FNBP1: variants seen among roughly 807,000 people sequenced by gnomAD.
FNBP1 encodes formin binding protein 1, also known as formin-binding protein 1.
A neutral mutation model predicts 90.6 loss-of-function variants in FNBP1; 26 were observed. That is an observed-to-expected ratio of 0.29 (90% CI 0.21 to 0.40). The LOEUF is 0.40. FNBP1 is among the 10% of genes least tolerant of loss of function. The pLI, the probability that FNBP1 is intolerant of heterozygous loss-of-function variation, is 1.00. For synonymous variants in FNBP1, 260 were observed against 265.2 expected, an observed-to-expected ratio of 0.98 and a Z score of 0.19; for missense variants, 635 against 768.0, an observed-to-expected ratio of 0.83 and a Z score of 2.05.
intron 1 of FNBP1, among the ~76,000 whole-genome samples, chr9:130,030,160 C>T (rs914813659): frequency 2.0e-5 from 3 of 151,666 alleles, no homozygotes; most frequent in African/African-American, 7.3e-5. Flanking sequence ...CAGGGCCAGG[C>T]ACACTGGCTC....
Position 129,899,743 on chromosome 9 carries a change from A to AGGAAGGAAG in FNBP1, c.1687+213_1687+221dup, listed in dbSNP as rs1235659991. On this transcript the variant is annotated intron_variant, in intron 15 of 16. Transcript: ENST00000446176. ...GACCCTGTATGAAAAAAAGGAAGGA[A>AGGAAGGAAG]GGAAGGAAGGGAAGGAAGGGAAGGA... Among the ~76,000 whole-genome samples, 74 of 140,200 alleles carry AGGAAGGAAG rather than the reference A, an allele frequency of 5.3e-4. 1 individual carries two copies. The highest frequency in any genetic ancestry group is 9.3e-4 in the Admixed American group (13 of 13,966). The allele number at this position is 140,200 out of a possible 152,430, so 92.0% of individuals were successfully genotyped here.
the FNBP1 span, chr9:130,053,664 G>A: frequency 1.9e-6 from 1 of 523,350 alleles, no homozygotes; most frequent in South Asian, 2.1e-5. Flanking sequence ...GGCCCGGGCT[G>A]GTCTGGTTCG....
In FNBP1 at chr9:129,890,071, A is replaced by G. The variant is rs1347784137; in HGVS notation, c.*468T>C. The G allele has an allele frequency of 3.8e-6, 1 of 262,528 alleles. No individual in the cohort carries two copies. Among genetic ancestry groups the G allele is most frequent in the African/African-American group, 2.2e-5 (1 of 46,008 alleles). The allele number at this position is 262,528 out of a possible 1,614,324, so 16.3% of individuals were successfully genotyped here. A position where few individuals can be genotyped will look rare whatever the true frequency, so the allele number is the denominator to read the frequency against. ...TTCTACAGCAGACAGTCTGGGACAC[A>G]CGGATGACATCGACACGGATGACAT... On this transcript the variant is annotated 3_prime_UTR_variant, in exon 17 of 17. Coordinates refer to ENST00000446176, the MANE Select transcript of FNBP1 (RefSeq NM_015033.3). The surrounding 1 kb of genome is among the most constrained non-coding windows in gnomAD (Gnocchi z 5.8).
intron 1 of FNBP1, among the ~76,000 whole-genome samples, chr9:130,038,707 G>A (rs2059569557): frequency 6.6e-6 from 1 of 152,106 alleles, no homozygotes; most frequent in South Asian, 2.1e-4. Flanking sequence ...CCCACATGTG[G>A]CTTCTTACTA....
chr9:129,948,581 C>T lies in FNBP1; in HGVS notation c.513+8779G>A, dbSNP rs1297464195. On this transcript the variant is annotated intron_variant, in intron 6 of 16. Coordinates refer to ENST00000446176, the MANE Select transcript of FNBP1 (RefSeq NM_015033.3). Reference sequence around the variant, plus strand: ...TTTCAAGACGGAGTTTTGCTCTTGTCCCCCAGGCTGGAGTGCAATGGCATG... The same window carrying T: ...TTTCAAGACGGAGTTTTGCTCTTGTTCCCCAGGCTGGAGTGCAATGGCATG... Among the ~76,000 whole-genome samples the T allele has an allele frequency of 9.9e-5, 15 of 151,692 alleles. No individual in the cohort carries two copies. The East Asian group carries it at 2.7e-3, about 27-fold the overall frequency.
chr9:130,052,744 G>A, the FNBP1 span, among the ~76,000 whole-genome samples: 20 of 151,838 alleles, frequency 1.3e-4, no homozygotes, highest in Non-Finnish European at 2.5e-4. Flanking sequence ...GCCTCATTTC[G>A]TTTTTAGTAC....
At chr9:130,040,493 C>T (rs555307824) in intron 1 of FNBP1, among the ~76,000 whole-genome samples, 26 of 152,098 alleles carry the variant, frequency 1.7e-4, no homozygotes, top group African/African-American at 5.8e-4. Flanking sequence ...TGGTGGCAGG[C>T]GCGTGTAGTC....
chr9:129,967,308 G>C (rs926454140), intron 4 of FNBP1, among the ~76,000 whole-genome samples: 1 of 152,170 alleles, frequency 6.6e-6, no homozygotes, highest in Non-Finnish European at 1.5e-5. Context: ...CTGAGGACAG[G>C]ACTCCGGGAT....
chr9:129,951,885 G>A (rs991598616), intron 6 of FNBP1, among the ~76,000 whole-genome samples: 7 of 151,946 alleles, frequency 4.6e-5, no homozygotes, highest in African/African-American at 1.7e-4. Context: ...GAACAATACC[G>A]TGAAAAGCAT....
At chr9:129,960,675 T>G (rs1203666329) in intron 4 of FNBP1, among the ~76,000 whole-genome samples, 2 of 152,006 alleles carry the variant, frequency 1.3e-5, no homozygotes, top group Non-Finnish European at 2.9e-5. Flanking sequence ...TTTGCCTGAA[T>G]GAACCAGAGT....
intron 2 of FNBP1, among the ~76,000 whole-genome samples, chr9:129,992,234 G>A (rs1478786027): frequency 2.0e-5 from 3 of 152,244 alleles, no homozygotes; most frequent in South Asian, 4.1e-4. Context: ...TTGAGAGCTC[G>A]CACGTAGCCC....
rs2059259226 is a variant in FNBP1, at chr9:130,035,825, A to G, written c.24+7127T>C. ...GCCAGGCGTGGTGGCACACGCCTGT[A>G]ATCCCAGCTACTCGGGAGGCTGAGG... On this transcript the variant is annotated intron_variant, in intron 1 of 16. Transcript: ENST00000446176. Among the ~76,000 whole-genome samples, 4 of 152,168 alleles carry G rather than the reference A, an allele frequency of 2.6e-5. No homozygotes were observed. The South Asian group carries it at 6.2e-4, about 24-fold the overall frequency.
In FNBP1 at chr9:129,979,298, A is replaced by G; in HGVS notation, c.197+20T>C. 6.6e-7 allele frequency: 1 copy of G among 1,525,586 alleles called. No individual in the cohort carries two copies. Among genetic ancestry groups the G allele is most frequent in the South Asian group, 1.1e-5 (1 of 88,284 alleles). The allele number at this position is 1,525,586 out of a possible 1,614,324, so 94.5% of individuals were successfully genotyped here. On this transcript the variant is annotated intron_variant, in intron 3 of 16. Coordinates refer to ENST00000446176, the MANE Select transcript of FNBP1 (RefSeq NM_015033.3). ...AATGGCATGTGTCTATTACAAGACA[A>G]TTTTCAATGGTAAACATACTTGTAT... is the stretch of plus-strand genomic sequence containing the variant.
At chr9:129,959,077 A>G (rs1307189976) in intron 4 of FNBP1, among the ~76,000 whole-genome samples, 1 of 151,458 alleles carries the variant, frequency 6.6e-6, no homozygotes, top group Non-Finnish European at 1.5e-5. Flanking sequence ...AACAAGTTTC[A>G]CTTGGGGGGA....
intron 1 of FNBP1, among the ~76,000 whole-genome samples, chr9:129,997,592 T>C (rs899615474): frequency 6.6e-6 from 1 of 152,224 alleles, no homozygotes; most frequent in Non-Finnish European, 1.5e-5. Context: ...CTACAAATCA[T>C]TCTTACAAAT....
intron 4 of FNBP1, among the ~76,000 whole-genome samples, chr9:129,963,053 G>A (rs114822078): frequency 1.6e-3 from 247 of 152,326 alleles, no homozygotes; most frequent in African/African-American, 5.8e-3. Flanking sequence ...GTTTGCTGAA[G>A]AGATGCAGCC....
chr9:130,045,125 C>A (rs1175074962), upstream of FNBP1: 1 of 152,004 alleles, frequency 6.6e-6, no homozygotes, highest in African/African-American at 2.4e-5. Flanking sequence ...CCTTCCTGCC[C>A]ACCCCCATTC....
chr9:129,895,259 A>G (rs2035530467), intron 16 of FNBP1: 2 of 1,056,466 alleles, frequency 1.9e-6, no homozygotes, highest in African/African-American at 1.7e-5. Flanking sequence ...AAAAACACAC[A>G]CTTTTGGTGC....
rs2045114938 is a variant in FNBP1 at position 129,945,484 on chromosome 9, T to G, written c.513+11876A>C. Among the ~76,000 whole-genome samples, 3 of 152,206 alleles carry G rather than the reference T, an allele frequency of 2.0e-5. No homozygotes were observed. In the South Asian group the frequency reaches 6.2e-4, roughly 31 times the overall value. ...AAACGTGGGGAAGGCACTGAAGATA[T>G]TAACATGTTCCATAAAGATGTCAAC... On this transcript the variant is annotated intron_variant, in intron 6 of 16. Coordinates refer to ENST00000446176, the MANE Select transcript of FNBP1 (RefSeq NM_015033.3).
Sources: gnomAD v4.1 joint callset for allele counts (sites outside exome capture counted in the v4.1 genomes callset) on GRCh38, gnomAD v4.1.1 for gene constraint, Gnocchi (gnomAD v3.1) non-coding constraint, MANE v1.5 for transcripts, NCBI Gene and HGNC (gene_info 2026-07-23, HGNC 2026-07-21) for gene names.